The following PTPN14 variants were observed in gnomAD, a reference collection of about 807,000 sequenced individuals.
PTPN14 encodes the protein tyrosine-protein phosphatase non-receptor type 14.
A neutral mutation model predicts 126.8 loss-of-function variants in PTPN14; 53 were observed. The ratio of observed to expected loss-of-function variants is 0.42; its 90% CI spans 0.34 to 0.53. The LOEUF is 0.53. PTPN14 is among the 20% of genes least tolerant of loss of function. The pLI, the probability that PTPN14 is intolerant of heterozygous loss-of-function variation, is 0.08. For missense variants in PTPN14, 1,257 were observed against 1,552.9 expected (o/e 0.81, Z 3.20); for synonymous variants, 630 against 599.3 (o/e 1.05, Z -0.75).
At chr1:214,369,355 A>T in intron 17 of PTPN14, 102 bp downstream of exon 17, 1 of 1,125,260 alleles carries the variant, frequency 8.9e-7, no homozygotes, top group Non-Finnish European at 1.3e-6. Context: ...TTTGCCACTT[A>T]AGAGAAAGCA....
Position 214,513,077 on chromosome 1 carries a change from T to C in PTPN14, c.-155+38106A>G, listed in dbSNP as rs1655016433. Among the ~76,000 whole-genome samples the C allele has an allele frequency of 1.3e-5, 2 of 152,062 alleles. 1 individual carries two copies. Among genetic ancestry groups the C allele is most frequent in the Admixed American group, 1.3e-4 (2 of 15,260 alleles). On this transcript the variant is annotated intron_variant, in intron 1 of 18. Coordinates refer to ENST00000366956, the MANE Select transcript of PTPN14 (RefSeq NM_005401.5). The stretch of plus-strand genomic sequence containing the variant: ...ATTCAAACTAGAAGGATGTAACCTT[T>C]GAAGTACACATGGTCTATATACTTA...
chr1:214,360,864 C>G (rs1012411168), intron 18 of PTPN14, among the ~76,000 whole-genome samples: 5 of 152,172 alleles, frequency 3.3e-5, no homozygotes, highest in South Asian at 2.1e-4. Flanking sequence ...GGGGGAGGGA[C>G]CTGGTGGGAG....
In PTPN14 at chr1:214,353,652, CAG is replaced by C. The variant is rs1210085055; in HGVS notation, c.*4268_*4269del. ...GGGAAAGGACAGCAGCTAAAAACTC[CAG>C]AGTGATATGCCTGATGGCCAATCCG... On this transcript the variant is annotated 3_prime_UTR_variant, in exon 19 of 19. Transcript: ENST00000366956. The C allele has an allele frequency of 6.6e-6, 1 of 152,252 alleles. No homozygotes were observed. The highest frequency in any genetic ancestry group is 1.9e-4 in the East Asian group (1 of 5,206). 9.4% of individuals were successfully genotyped at this position (152,252 alleles called of 1,614,324 possible).
intron 1 of PTPN14, among the ~76,000 whole-genome samples, chr1:214,474,956 TCTTGAATA>T (rs1660835790): frequency 1.3e-5 from 2 of 152,180 alleles, no homozygotes; most frequent in Admixed American, 6.5e-5. Flanking sequence ...TCTAAGTACA[TCTTGAATA>T]CTTATGGATA....
At chr1:214,438,270 C>T (rs549265419) in intron 3 of PTPN14, among the ~76,000 whole-genome samples, 5 of 152,152 alleles carry the variant, frequency 3.3e-5, no homozygotes, top group Non-Finnish European at 7.3e-5. Flanking sequence ...AGGCAAGGCC[C>T]GCTTTATCCT....
intron 5 of PTPN14, among the ~76,000 whole-genome samples, chr1:214,411,394 A>C (rs569067225): frequency 1.1e-4 from 17 of 152,312 alleles, no homozygotes; most frequent in Non-Finnish European, 2.1e-4. Context: ...GATAGAACTG[A>C]GAAACAAATT....
chr1:214,508,957 T>C (rs1474892492), intron 1 of PTPN14, among the ~76,000 whole-genome samples: 2 of 152,220 alleles, frequency 1.3e-5, no homozygotes, highest in Non-Finnish European at 2.9e-5. Flanking sequence ...GCTTAAAATA[T>C]TCAGTAAACC....
chr1:214,464,947 C>G lies in PTPN14; in HGVS notation c.-144G>C. ...GGGTGTCCATGCCCAGTGTGGCCCT[C>G]TGGAAGATAGCTGTAAATGCAAAAG... On this transcript the variant is annotated 5_prime_UTR_variant, in exon 2 of 19. Coordinates refer to ENST00000366956, the MANE Select transcript of PTPN14 (RefSeq NM_005401.5). The G allele has an allele frequency of 1.0e-6, 1 of 982,084 alleles. No individual in the cohort carries two copies. Among genetic ancestry groups the G allele is most frequent in the Non-Finnish European group, 1.5e-6 (1 of 682,364 alleles). The allele number at this position is 982,084 out of a possible 1,614,324, so 60.8% of individuals were successfully genotyped here. A position where few individuals can be genotyped will look rare whatever the true frequency, so the allele number is the denominator to read the frequency against.
At position 214,464,707 on chromosome 1, in the gene PTPN14, T is replaced by C; in HGVS notation, c.97A>G (p.Ile33Val). Reference protein sequence around the residue: ...TRIRLLDSNVIECTLSVESTG... With the variant: ...TRIRLLDSNVVECTLSVESTG... The stretch of plus-strand genomic sequence containing the variant: ...CTTTCCACCGACAGCGTGCACTCGA[T>C]AACATTGCTGTCCAGCAGGCGAATC... The change falls in exon 2 of 19, where the codon ATC becomes GTC. Residue 33 changes from isoleucine to valine, a missense_variant. By Grantham distance (29) the Ile-to-Val change is conservative. Coordinates refer to ENST00000366956, the MANE Select transcript of PTPN14 (RefSeq NM_005401.5). 1.2e-6 allele frequency: 2 copies of C among 1,614,278 alleles called. No individual in the cohort carries two copies. Among genetic ancestry groups the C allele is most frequent in the Middle Eastern group, 1.6e-4 (1 of 6,062 alleles).
chr1:214,435,374 C>G (rs1323303984), intron 3 of PTPN14, among the ~76,000 whole-genome samples: 1 of 151,882 alleles, frequency 6.6e-6, no homozygotes, highest in Non-Finnish European at 1.5e-5. Context: ...AAGTTCTAAT[C>G]ATATTCTAGT....
intron 3 of PTPN14, among the ~76,000 whole-genome samples, chr1:214,439,260 A>G (rs17732539): frequency 0.084 from 12,820 of 152,196 alleles, 683 homozygotes; most frequent in Middle Eastern, 0.12. Context: ...ATCTTTTCAC[A>G]GTTGGCCATT....
At chr1:214,527,190 C>T (rs1347990928) in intron 1 of PTPN14, among the ~76,000 whole-genome samples, 5 of 152,034 alleles carry the variant, frequency 3.3e-5, no homozygotes, top group Non-Finnish European at 7.4e-5. Flanking sequence ...AGGAAAGCTC[C>T]GGTCAAGACA....
At chr1:214,534,189 G>GC (rs921411295) in intron 1 of PTPN14, among the ~76,000 whole-genome samples, 1 of 152,190 alleles carries the variant, frequency 6.6e-6, no homozygotes, top group African/African-American at 2.4e-5. Flanking sequence ...TAAGCTGATA[G>GC]TTTTTCCAGG....
intron 3 of PTPN14, among the ~76,000 whole-genome samples, chr1:214,417,345 T>C (rs1412566701): frequency 6.6e-6 from 1 of 152,202 alleles, no homozygotes; most frequent in Non-Finnish European, 1.5e-5. Flanking sequence ...GGCGTCCTAA[T>C]AATCAGTGTT....
In PTPN14 at chr1:214,377,961, T is replaced by C. The variant is rs757257903; in HGVS notation, c.2686A>G (p.Arg896Gly). Reference sequence around the variant, plus strand: ...ACATTGACAAGCCTGCCACTTACCCTCTCGTCCATGGGAACCCGGGTGGCA... The same window carrying C: ...ACATTGACAAGCCTGCCACTTACCCCCTCGTCCATGGGAACCCGGGTGGCA... ...VDATRVPMDE[R>G]FRTLKKKLEE... The change falls in exon 14 of 19, where the codon AGG (arginine) becomes GGG (glycine). Residue 896 changes from arginine to glycine, a missense_variant and splice_region_variant. Arg to Gly is a moderately radical substitution (Grantham distance 125). Transcript: ENST00000366956. The C allele has an allele frequency of 6.2e-7, 1 of 1,612,390 alleles. No individual in the cohort carries two copies. The highest frequency in any genetic ancestry group is 8.5e-7 in the Non-Finnish European group (1 of 1,179,318).
chr1:214,533,191 A>C (rs573372609), intron 1 of PTPN14: 2 of 721,436 alleles, frequency 2.8e-6, no homozygotes, highest in East Asian at 2.9e-5. Flanking sequence ...GGAGCAGCTC[A>C]ACGAGATCCT....
intron 5 of PTPN14, among the ~76,000 whole-genome samples, chr1:214,404,190 A>C (rs981832661): frequency 6.6e-6 from 1 of 152,228 alleles, no homozygotes; most frequent in Non-Finnish European, 1.5e-5. Flanking sequence ...TGAAAAATCA[A>C]TATATTTTAA....
intron 1 of PTPN14, among the ~76,000 whole-genome samples, chr1:214,477,293 A>C (rs528636862): frequency 6.6e-6 from 1 of 152,360 alleles, no homozygotes; most frequent in East Asian, 1.9e-4. Context: ...AATTACTAAC[A>C]GGGAAAAACA....
chr1:214,363,626 T>C (rs1658005066), intron 18 of PTPN14, among the ~76,000 whole-genome samples: 1 of 152,206 alleles, frequency 6.6e-6, no homozygotes, highest in African/African-American at 2.4e-5. Context: ...CTGGCTTCAG[T>C]ACCACTGCGT....
Sources: allele counts gnomAD v4.1 joint callset (sites outside exome capture counted in the v4.1 genomes callset), GRCh38; gene constraint gnomAD v4.1.1; transcripts MANE v1.5; gene names NCBI Gene and HGNC (gene_info 2026-07-23, HGNC 2026-07-21).